The following AKAP19 variants were observed in gnomAD, a reference collection of about 807,000 sequenced individuals.
AKAP19 encodes the protein small A-kinase anchoring protein.
chr2:189,880,125 C>A, the AKAP19 span, among the ~76,000 whole-genome samples: 3 of 152,136 alleles, frequency 2.0e-5, no homozygotes, highest in Non-Finnish European at 4.4e-5. Context: ...GAATTGCAAC[C>A]CAACCCAGCA....
chr2:190,175,922 A>T, the AKAP19 span, among the ~76,000 whole-genome samples: 1 of 152,304 alleles, frequency 6.6e-6, no homozygotes, highest in African/African-American at 2.4e-5. Flanking sequence ...TGTCAATGGG[A>T]TTAAAACCCC....
the AKAP19 span, among the ~76,000 whole-genome samples, chr2:190,131,890 G>A: frequency 6.6e-6 from 1 of 152,022 alleles, no homozygotes; most frequent in African/African-American, 2.4e-5. Flanking sequence ...AAACACTCGG[G>A]TTTTTCTATA....
At chr2:189,946,851 G>A in the AKAP19 span, among the ~76,000 whole-genome samples, 1 of 152,142 alleles carries the variant, frequency 6.6e-6, no homozygotes, top group Non-Finnish European at 1.5e-5. Flanking sequence ...AGTAATCAGT[G>A]ATCAGTACAC....
chr2:190,161,722 AATATTTGCC>A, the AKAP19 span, among the ~76,000 whole-genome samples: 3 of 152,158 alleles, frequency 2.0e-5, no homozygotes, highest in Non-Finnish European at 2.9e-5. Flanking sequence ...TGGATCAGAA[AATATTTGCC>A]AGTTCATTAA....
the AKAP19 span, among the ~76,000 whole-genome samples, chr2:190,011,059 T>C: frequency 2.8e-5 from 4 of 144,496 alleles, no homozygotes; most frequent in Non-Finnish European, 6.1e-5. Context: ...TCTTTTTTTT[T>C]TTTTTTTTTT....
chr2:190,179,047 T>C, the AKAP19 span, among the ~76,000 whole-genome samples: 3 of 152,204 alleles, frequency 2.0e-5, no homozygotes, highest in Non-Finnish European at 4.4e-5. The surrounding 1 kb of genome is among the most constrained non-coding windows in gnomAD (Gnocchi z 6.0). Flanking sequence ...TTATTTAGCA[T>C]GGTGTGCCTG....
At chr2:190,006,390 G>A in the AKAP19 span, among the ~76,000 whole-genome samples, 1 of 152,220 alleles carries the variant, frequency 6.6e-6, no homozygotes, top group African/African-American at 2.4e-5. Flanking sequence ...GCTCACGCCT[G>A]TAATCCCAGC....
At chr2:189,930,965 G>T in the AKAP19 span, 1 of 838,036 alleles carries the variant, frequency 1.2e-6, no homozygotes, top group Non-Finnish European at 2.0e-6. Context: ...GACTCCTGAA[G>T]CAGGGAGATG....
At chr2:189,973,188 A>G in the AKAP19 span, among the ~76,000 whole-genome samples, 1 of 152,198 alleles carries the variant, frequency 6.6e-6, no homozygotes, top group Non-Finnish European at 1.5e-5. Flanking sequence ...AGTTTTTAGC[A>G]TAAAGGGCTG....
the AKAP19 span, among the ~76,000 whole-genome samples, chr2:189,900,843 A>G: frequency 1.3e-5 from 2 of 152,194 alleles, no homozygotes; most frequent in East Asian, 1.9e-4. Context: ...AGCTGACTGC[A>G]AGGAGACAAA....
chr2:189,963,317 C>T, the AKAP19 span, among the ~76,000 whole-genome samples: 2 of 151,402 alleles, frequency 1.3e-5, no homozygotes, highest in Admixed American at 1.3e-4. Context: ...GCCTCAGCCT[C>T]CCGAGTAGCT....
chr2:190,003,044 T>C, the AKAP19 span, among the ~76,000 whole-genome samples: 1 of 152,166 alleles, frequency 6.6e-6, no homozygotes, highest in Non-Finnish European at 1.5e-5. Context: ...TCAATGTTTC[T>C]GACTAGTTTT....
At chr2:190,044,461 A>G in the AKAP19 span, among the ~76,000 whole-genome samples, 1 of 152,138 alleles carries the variant, frequency 6.6e-6, no homozygotes, top group African/African-American at 2.4e-5. Flanking sequence ...GGTGTGGATA[A>G]GACACTTTGG....
the AKAP19 span, among the ~76,000 whole-genome samples, chr2:190,180,123 T>G: frequency 6.6e-6 from 1 of 152,262 alleles, no homozygotes; most frequent in African/African-American, 2.4e-5. The surrounding 1 kb of genome is among the most constrained non-coding windows in gnomAD (Gnocchi z 6.8). Context: ...GATATGTCCT[T>G]TAAATGTTTA....
At chr2:189,972,098 G>A in the AKAP19 span, among the ~76,000 whole-genome samples, 14 of 152,044 alleles carry the variant, frequency 9.2e-5, no homozygotes, top group African/African-American at 3.4e-4. Flanking sequence ...TTTCTTCTAG[G>A]GTTTTTATGG....
the AKAP19 span, among the ~76,000 whole-genome samples, chr2:190,165,170 C>T: frequency 6.6e-6 from 1 of 152,108 alleles, no homozygotes; most frequent in Non-Finnish European, 1.5e-5. Flanking sequence ...GTCCTGGTGG[C>T]TCACACCTGT....
At chr2:189,989,955 A>G in the AKAP19 span, among the ~76,000 whole-genome samples, 12 of 152,214 alleles carry the variant, frequency 7.9e-5, no homozygotes, top group Non-Finnish European at 1.6e-4. Flanking sequence ...TACAAATTCA[A>G]TGCAACCCCT....
chr2:189,992,101 G>T, the AKAP19 span, among the ~76,000 whole-genome samples: 1 of 147,832 alleles, frequency 6.8e-6, no homozygotes. Flanking sequence ...ACAGGCTGGA[G>T]TGCAGTGGTG....
At chr2:189,943,979 G>A in the AKAP19 span, among the ~76,000 whole-genome samples, 1 of 152,204 alleles carries the variant, frequency 6.6e-6, no homozygotes, top group African/African-American at 2.4e-5. Context: ...CTAATAGGTA[G>A]ATGGGATTTG....
Sources: allele counts gnomAD v4.1 joint callset (sites outside exome capture counted in the v4.1 genomes callset), GRCh38; gene constraint gnomAD v4.1.1; non-coding constraint Gnocchi (gnomAD v3.1); transcripts MANE v1.5; gene names NCBI Gene and HGNC (gene_info 2026-07-23, HGNC 2026-07-21).